WWOX: variants seen among roughly 807,000 people sequenced by gnomAD.
The protein encoded by WWOX is WW domain containing oxidoreductase.
In WWOX, 69 loss-of-function variants were observed where a neutral mutation model predicts 46.2. That is an observed-to-expected ratio of 1.49 (90% CI 1.23 to 1.82). The LOEUF is 1.82. WWOX is among the 40% of genes most tolerant of loss of function. The pLI is 0.00. For synonymous variants in WWOX, 359 were observed against 202.6 expected (o/e 1.77, Z -6.56); for missense variants, 919 against 542.6 (o/e 1.69, Z -6.89).
At chr16:79,162,201 T>A (rs561457108) in intron 8 of WWOX, among the ~76,000 whole-genome samples, 1 of 152,284 alleles carries the variant, frequency 6.6e-6, no homozygotes, top group African/African-American at 2.4e-5. Flanking sequence ...TGCCTTTGGG[T>A]TGATGAGATG....
chr16:78,558,038 C>A (rs113645164), intron 8 of WWOX, among the ~76,000 whole-genome samples: 10 of 152,146 alleles, frequency 6.6e-5, no homozygotes, highest in African/African-American at 2.4e-4. Context: ...CATAGTCGGC[C>A]CTCAGTGAGC....
intron 8 of WWOX, among the ~76,000 whole-genome samples, chr16:78,598,649 C>T (rs1320130100): frequency 1.3e-5 from 2 of 152,136 alleles, no homozygotes; most frequent in Non-Finnish European, 2.9e-5. Flanking sequence ...GAAAAGAAAT[C>T]TCCTTTCAAA....
intron 5 of WWOX, among the ~76,000 whole-genome samples, chr16:78,174,329 G>T (rs2035261829): frequency 1.3e-5 from 2 of 152,136 alleles, no homozygotes; most frequent in Admixed American, 1.3e-4. Flanking sequence ...GATCTCTTGA[G>T]ACTTATTCAC....
intron 8 of WWOX, among the ~76,000 whole-genome samples, chr16:78,933,250 C>A (rs577284175): frequency 6.6e-5 from 10 of 152,286 alleles, no homozygotes; most frequent in African/African-American, 2.4e-4. Flanking sequence ...ACCAGCCTGA[C>A]CAACTTGGCA....
chr16:78,853,786 A>G (rs1007218132), intron 8 of WWOX, among the ~76,000 whole-genome samples: 5 of 152,142 alleles, frequency 3.3e-5, no homozygotes, highest in Admixed American at 2.0e-4. Flanking sequence ...TCACTGAACC[A>G]AGAGATGCCA....
At chr16:78,978,685 C>G (rs1018146061) in intron 8 of WWOX, among the ~76,000 whole-genome samples, 2 of 152,176 alleles carry the variant, frequency 1.3e-5, no homozygotes, top group Non-Finnish European at 2.9e-5. Context: ...CTTACATCGC[C>G]AGAGCAGGAG....
At chr16:79,071,208 G>C (rs1354532146) in intron 8 of WWOX, among the ~76,000 whole-genome samples, 1 of 152,144 alleles carries the variant, frequency 6.6e-6, no homozygotes, top group Non-Finnish European at 1.5e-5. Context: ...TTGTTGTTCA[G>C]GTGAGTCTCA....
intron 8 of WWOX, among the ~76,000 whole-genome samples, chr16:78,492,483 A>T (rs529423710): frequency 6.6e-6 from 1 of 152,242 alleles, no homozygotes; most frequent in East Asian, 1.9e-4. Flanking sequence ...GACTGTTTGC[A>T]TGTAACGTAC....
chr16:78,473,284 C>T (rs1277237853), intron 8 of WWOX, among the ~76,000 whole-genome samples: 1 of 152,134 alleles, frequency 6.6e-6, no homozygotes, highest in Non-Finnish European at 1.5e-5. Context: ...CACGTGGCAC[C>T]ACGCCTGGGT....
At chr16:78,718,657 A>G (rs980600446) in intron 8 of WWOX, among the ~76,000 whole-genome samples, 1 of 152,218 alleles carries the variant, frequency 6.6e-6, no homozygotes, top group Non-Finnish European at 1.5e-5. Context: ...ACCCTGAGCT[A>G]TGATCACACC....
chr16:79,138,439 T>C (rs968531537), intron 8 of WWOX, among the ~76,000 whole-genome samples: 5 of 152,180 alleles, frequency 3.3e-5, no homozygotes, highest in Non-Finnish European at 7.3e-5. Flanking sequence ...ACCTCCTCTA[T>C]GAAGTCTTGC....
chr16:78,198,093 CA>C (rs1398187353), intron 5 of WWOX, among the ~76,000 whole-genome samples: 1 of 152,126 alleles, frequency 6.6e-6, no homozygotes, highest in African/African-American at 2.4e-5. Flanking sequence ...GTTGGTAAGC[CA>C]TCCAGTCTCT....
chr16:78,617,541 G>C (rs2046057444), intron 8 of WWOX, among the ~76,000 whole-genome samples: 1 of 152,110 alleles, frequency 6.6e-6, no homozygotes, highest in Non-Finnish European at 1.5e-5. Flanking sequence ...GCCACATAAA[G>C]AAGCACCCAC....
intron 8 of WWOX, among the ~76,000 whole-genome samples, chr16:78,644,945 G>A (rs1396037101): frequency 6.6e-6 from 1 of 152,160 alleles, no homozygotes; most frequent in Non-Finnish European, 1.5e-5. Context: ...GGAATTCTTT[G>A]AACTCGTTAC....
intron 5 of WWOX, among the ~76,000 whole-genome samples, chr16:78,227,401 G>A (rs1394404868): frequency 1.3e-5 from 2 of 152,116 alleles, no homozygotes; most frequent in Non-Finnish European, 2.9e-5. Context: ...GAACACATGG[G>A]GACCGAGGGA....
chr16:78,859,682 T>C (rs892337232), intron 8 of WWOX, among the ~76,000 whole-genome samples: 4 of 152,192 alleles, frequency 2.6e-5, no homozygotes, highest in African/African-American at 9.6e-5. Flanking sequence ...GCGAGTAATG[T>C]ACTCAAAAAT....
At chr16:78,114,727 G>A (rs2032684403) in intron 3 of WWOX, among the ~76,000 whole-genome samples, 1 of 152,046 alleles carries the variant, frequency 6.6e-6, no homozygotes, top group Non-Finnish European at 1.5e-5. Flanking sequence ...CATGGCAATA[G>A]TTATTGTATG....
At chr16:78,463,732 A>G (rs1343804668) in intron 8 of WWOX, among the ~76,000 whole-genome samples, 1 of 152,196 alleles carries the variant, frequency 6.6e-6, no homozygotes, top group Non-Finnish European at 1.5e-5. Context: ...AAACTTGGGT[A>G]ATTCTAATGC....
At position 78,137,116 on chromosome 16, in the gene WWOX, C is replaced by T. The variant is rs76349575; in HGVS notation, c.409+21962C>T. Among the ~76,000 whole-genome samples the T allele has an allele frequency of 3.6e-3, 543 of 152,240 alleles. 5 individuals carry two copies. The highest frequency in any genetic ancestry group is 0.012 in the African/African-American group (500 of 41,538). On this transcript the variant is annotated intron_variant, in intron 4 of 8. Transcript: ENST00000566780. Reference sequence around the variant, plus strand: ...TGGCAGAGGGGGTCAGGGATGTTAACGCAAATGGAGATCCCTTCACCCAGA... The same window carrying T: ...TGGCAGAGGGGGTCAGGGATGTTAATGCAAATGGAGATCCCTTCACCCAGA...
Sources: allele counts gnomAD v4.1 joint callset (sites outside exome capture counted in the v4.1 genomes callset), GRCh38; gene constraint gnomAD v4.1.1; transcripts MANE v1.5; gene names NCBI Gene and HGNC (gene_info 2026-07-23, HGNC 2026-07-21).